The following FSTL4 variants were observed in gnomAD, a reference collection of about 807,000 sequenced individuals.
FSTL4 encodes follistatin-related protein 4.
A neutral mutation model predicts 78.2 loss-of-function variants in FSTL4; 28 were observed. The ratio of observed to expected loss-of-function variants is 0.36; its 90% confidence interval spans 0.27 to 0.49. The LOEUF is 0.49. Ranked by LOEUF, FSTL4 falls within the 20% of genes least tolerant of loss-of-function variation. The probability of loss-of-function intolerance (pLI) is 0.98; values close to 1 mark genes in which losing one functional copy is unlikely to be tolerated. For missense variants in FSTL4, 922 were observed against 1,084.9 expected, an observed-to-expected ratio of 0.85 and a Z score of 2.11; for synonymous variants, 422 against 440.5, an observed-to-expected ratio of 0.96 and a Z score of 0.53.
At chr5:133,810,893 G>A in the FSTL4 span, among the ~76,000 whole-genome samples, 1 of 152,174 alleles carries the variant, frequency 6.6e-6, no homozygotes, top group South Asian at 2.1e-4. Flanking sequence ...CACAACTGCT[G>A]GCATTCACCT....
At chr5:133,648,488 C>A in the FSTL4 span, among the ~76,000 whole-genome samples, 5 of 152,186 alleles carry the variant, frequency 3.3e-5, no homozygotes, top group Admixed American at 3.3e-4. Context: ...CCATACCTGA[C>A]CCTCAGCAAG....
At chr5:133,523,458 C>CAG (rs1278589801) in intron 3 of FSTL4, among the ~76,000 whole-genome samples, 1 of 148,826 alleles carries the variant, frequency 6.7e-6, no homozygotes, top group Admixed American at 6.7e-5. Flanking sequence ...GGAAAACCAC[C>CAG]AGATAGTGGA....
chr5:133,668,184 C>A, the FSTL4 span, among the ~76,000 whole-genome samples: 3 of 152,190 alleles, frequency 2.0e-5, no homozygotes, highest in Non-Finnish European at 4.4e-5. Flanking sequence ...CAGGGTCAGT[C>A]ACTGCAGGCA....
At chr5:133,603,810 G>A (rs749088463) in intron 2 of FSTL4, 48 bp downstream of exon 2, 91 of 1,589,782 alleles carry the variant, frequency 5.7e-5, no homozygotes, top group East Asian at 3.4e-4. Context: ...CTGTAACATC[G>A]GAAAGCAATC....
chr5:133,258,650 G>T (rs1056046878), intron 6 of FSTL4, among the ~76,000 whole-genome samples: 10 of 152,216 alleles, frequency 6.6e-5, no homozygotes, highest in African/African-American at 2.4e-4. Flanking sequence ...CATTTGATGA[G>T]AGTGAAGAAC....
chr5:133,377,361 C>CTGGA (rs1755459843), intron 4 of FSTL4, among the ~76,000 whole-genome samples: 1 of 152,164 alleles, frequency 6.6e-6, no homozygotes, highest in African/African-American at 2.4e-5. Flanking sequence ...GGGTGTCATT[C>CTGGA]TAAGAGAACT....
At position 133,198,216 on chromosome 5, in the gene FSTL4, G is replaced by T. The variant is rs1347574923; in HGVS notation, c.*879C>A. The T allele has an allele frequency of 6.6e-6, 1 of 152,590 alleles. No homozygotes were observed. The highest frequency in any genetic ancestry group is 1.5e-5 in the Non-Finnish European group (1 of 68,062). 9.5% of individuals were successfully genotyped at this position (152,590 alleles called of 1,614,324 possible). On this transcript the variant is annotated 3_prime_UTR_variant, in exon 16 of 16. Coordinates refer to ENST00000265342, the MANE Select transcript of FSTL4 (RefSeq NM_015082.2). ...GACTAATGAGATGTCTCCCTTCTGT[G>T]CTGAAAGGAGGCACACAGAACTTGT...
chr5:133,228,743 A>G (rs2126798425), intron 8 of FSTL4, among the ~76,000 whole-genome samples: 1 of 152,098 alleles, frequency 6.6e-6, no homozygotes, highest in Non-Finnish European at 1.5e-5. Context: ...ACAGAATGAT[A>G]TTTTCTTCGT....
At position 133,197,106 on chromosome 5, in the gene FSTL4, G is replaced by A. The variant is rs1175842359; in HGVS notation, c.*1989C>T. 1.3e-5 allele frequency: 2 copies of A among 152,190 alleles called. No individual in the cohort carries two copies. The highest frequency in any genetic ancestry group is 2.4e-5 in the African/African-American group (1 of 41,436). 9.4% of individuals were successfully genotyped at this position (152,190 alleles called of 1,614,324 possible). A position where few individuals can be genotyped will look rare whatever the true frequency, so the allele number is the denominator to read the frequency against. ...GACTTAGGAATCCTGCTGCCCAGAG[G>A]GGCTCGTGTTCTGGTCTGGTAGTTG... On this transcript the variant is annotated 3_prime_UTR_variant, in exon 16 of 16. Coordinates refer to ENST00000265342, the MANE Select transcript of FSTL4 (RefSeq NM_015082.2).
chr5:133,461,024 A>G (rs955616825), intron 3 of FSTL4, among the ~76,000 whole-genome samples: 2 of 152,258 alleles, frequency 1.3e-5, no homozygotes, highest in Admixed American at 6.5e-5. Context: ...AGTTTTGGAC[A>G]CTAGTGCAGA....
chr5:133,756,946 G>A, the FSTL4 span, among the ~76,000 whole-genome samples: 8 of 152,046 alleles, frequency 5.3e-5, no homozygotes, highest in African/African-American at 1.7e-4. Context: ...AGCTCACCCC[G>A]CCCCAGACAA....
intron 4 of FSTL4, among the ~76,000 whole-genome samples, chr5:133,373,362 A>G (rs1330093848): frequency 6.6e-6 from 1 of 152,214 alleles, no homozygotes; most frequent in African/African-American, 2.4e-5. Flanking sequence ...TGTGGGAATT[A>G]TAGGGATTGG....
rs758597936 is a variant in FSTL4, at chr5:133,400,952, G to A, written c.195C>T (p.Cys65=). The A allele has an allele frequency of 2.6e-5, 42 of 1,613,106 alleles. No homozygotes were observed. In the Middle Eastern group the frequency reaches 6.6e-4, roughly 25 times the overall value. ...LSSHNELLAS[C]GKKFCSRGSR... ...TCCCTCGGCTGCAGAACTTCTTCCCGCAGGAGGCCAGCAGCTCGTTGTGGC... is the reference window on the plus strand; with the variant it reads ...TCCCTCGGCTGCAGAACTTCTTCCCACAGGAGGCCAGCAGCTCGTTGTGGC... Residue 65 remains cysteine (C), a synonymous_variant, in exon 4 of 16, where the codon TGC becomes TGT. Coordinates refer to ENST00000265342, the MANE Select transcript of FSTL4 (RefSeq NM_015082.2).
intron 4 of FSTL4, among the ~76,000 whole-genome samples, chr5:133,322,049 T>C (rs1487759586): frequency 6.6e-6 from 1 of 152,220 alleles, no homozygotes; most frequent in Non-Finnish European, 1.5e-5. Flanking sequence ...GTGGTAACCT[T>C]GGCTAAGTCA....
chr5:133,581,724 G>A (rs552721711), intron 2 of FSTL4, among the ~76,000 whole-genome samples: 1 of 152,374 alleles, frequency 6.6e-6, no homozygotes, highest in Admixed American at 6.5e-5. Flanking sequence ...CAGAGTATAG[G>A]CCATACCCTA....
At chr5:133,220,972 G>T (rs1376531911) in intron 11 of FSTL4, 106 bp from the exon 12 acceptor site, 1 of 781,246 alleles carries the variant, frequency 1.3e-6, no homozygotes, top group Admixed American at 1.7e-5. Flanking sequence ...GATGCATCTG[G>T]TGCAGGCACG....
At chr5:133,782,340 A>G in the FSTL4 span, among the ~76,000 whole-genome samples, 2 of 152,228 alleles carry the variant, frequency 1.3e-5, no homozygotes, top group Non-Finnish European at 2.9e-5. Flanking sequence ...CCCTTCTAGA[A>G]CATGCACCCG....
chr5:133,222,668 T>A (rs1751178588), intron 11 of FSTL4, among the ~76,000 whole-genome samples: 1 of 152,216 alleles, frequency 6.6e-6, no homozygotes. Flanking sequence ...GGCCCTGGAA[T>A]ATGAGGCTCA....
chr5:133,732,798 T>C, the FSTL4 span, among the ~76,000 whole-genome samples: 2 of 152,174 alleles, frequency 1.3e-5, no homozygotes, highest in African/African-American at 4.8e-5. Context: ...CCCCGGGCTC[T>C]CCATCCCCAC....
Sources: allele counts gnomAD v4.1 joint callset (sites outside exome capture counted in the v4.1 genomes callset), GRCh38; gene constraint gnomAD v4.1.1; transcripts MANE v1.5; gene names NCBI Gene and HGNC (gene_info 2026-07-23, HGNC 2026-07-21).